The following MTX2 variants were observed in gnomAD, a reference collection of about 807,000 sequenced individuals.
MTX2 encodes metaxin-2.
MTX2 carries 35 observed loss-of-function variants against 42.3 expected under a neutral mutation model. The ratio of observed to expected loss-of-function variants is 0.83; its 90% CI spans 0.63 to 1.10. The LOEUF is 1.10. Ranked by LOEUF, MTX2 falls within the 50% of genes least tolerant of loss-of-function variation. The probability of loss-of-function intolerance (pLI) is 0.00; values close to 1 mark genes in which losing one functional copy is unlikely to be tolerated. For synonymous variants in MTX2, 119 were observed against 100.9 expected (o/e 1.18, Z -1.08); for missense variants, 307 against 304.1 (o/e 1.01, Z -0.07).
intron 3 of MTX2, 40 bp downstream of exon 3, chr2:176,297,935 G>C (rs1362339545): frequency 1.4e-6 from 2 of 1,458,918 alleles, no homozygotes; most frequent in Non-Finnish European, 1.9e-6. Context: ...TCACCCCCTA[G>C]GTGGTTTGCA....
chr2:176,328,457 G>A, intron 6 of MTX2, 72 bp downstream of exon 6: 1 of 985,438 alleles, frequency 1.0e-6, no homozygotes, highest in South Asian at 2.6e-5. Flanking sequence ...TCTTTCTTAT[G>A]GGTTAAAGTT....
intron 3 of MTX2, among the ~76,000 whole-genome samples, chr2:176,310,922 T>C (rs1684288379): frequency 6.6e-6 from 1 of 152,240 alleles, no homozygotes; most frequent in Non-Finnish European, 1.5e-5. Context: ...AGTCATTCTC[T>C]GTCCAGCTTT....
At chr2:176,325,740 G>A (rs3754986) in intron 4 of MTX2, among the ~76,000 whole-genome samples, 79,040 of 151,502 alleles carry the variant, frequency 0.52, 20,976 homozygotes, top group Admixed American at 0.63. Context: ...AGAAAACAAT[G>A]TGGCCTAATG....
chr2:176,301,355 C>T (rs1028357036), intron 3 of MTX2, among the ~76,000 whole-genome samples: 8 of 152,072 alleles, frequency 5.3e-5, no homozygotes, highest in Admixed American at 2.0e-4. Context: ...AAACAGAAAA[C>T]AACAACGACA....
chr2:176,328,927 A>G lies in MTX2; in HGVS notation c.417+15A>G. On this transcript the variant is annotated intron_variant, in intron 7 of 9. Coordinates refer to ENST00000249442, the MANE Select transcript of MTX2 (RefSeq NM_006554.5). ...CAGTAGGGGAGGTGAGTGGTTCTGTAACATTTATCTTAATTAAAATTTAAT... is the reference window on the plus strand; with the variant it reads ...CAGTAGGGGAGGTGAGTGGTTCTGTGACATTTATCTTAATTAAAATTTAAT... The G allele has an allele frequency of 1.9e-6, 3 of 1,595,228 alleles. No individual in the cohort carries two copies. The highest frequency in any genetic ancestry group is 2.6e-6 in the Non-Finnish European group (3 of 1,165,338).
chr2:176,304,974 A>T (rs1339360437), intron 3 of MTX2, among the ~76,000 whole-genome samples: 3 of 152,038 alleles, frequency 2.0e-5, no homozygotes, highest in African/African-American at 7.2e-5. Context: ...TCATGGTATT[A>T]ATCAGTGTAA....
At position 176,269,453 on chromosome 2, in the gene MTX2, G is replaced by A; in HGVS notation, c.-177G>A. 1.5e-6 allele frequency: 1 copy of A among 654,266 alleles called. No individual in the cohort carries two copies. The highest frequency in any genetic ancestry group is 2.4e-6 in the Non-Finnish European group (1 of 415,358). 40.5% of individuals were successfully genotyped at this position (654,266 alleles called of 1,614,324 possible). A position where few individuals can be genotyped will look rare whatever the true frequency, so the allele number is the denominator to read the frequency against. ...CGGCTGCGCCGGAAGTCCCTAGCCA[G>A]GCCTGGCGGTAACCTTGGGGGCCTC... On this transcript the variant is annotated 5_prime_UTR_variant, in exon 1 of 10. Coordinates refer to ENST00000249442, the MANE Select transcript of MTX2 (RefSeq NM_006554.5).
chr2:176,304,998 T>C (rs1226115548), intron 3 of MTX2, among the ~76,000 whole-genome samples: 1 of 152,100 alleles, frequency 6.6e-6, no homozygotes, highest in Non-Finnish European at 1.5e-5. Context: ...ATCTAATCTT[T>C]AAAAACTTAT....
chr2:176,336,802 G>A (rs1684996107), intron 9 of MTX2, among the ~76,000 whole-genome samples: 1 of 152,054 alleles, frequency 6.6e-6, no homozygotes, highest in Non-Finnish European at 1.5e-5. Context: ...GGTAGGATTT[G>A]TTTCTTACGT....
At chr2:176,272,265 G>T (rs1476251800) in intron 1 of MTX2, among the ~76,000 whole-genome samples, 2 of 152,094 alleles carry the variant, frequency 1.3e-5, no homozygotes, top group African/African-American at 2.4e-5. Flanking sequence ...GTGAGAGATG[G>T]GGAAGAGGAA....
rs764856917 is a variant in MTX2 at position 176,290,586 on chromosome 2, A to G, written c.41-6274A>G. Among the ~76,000 whole-genome samples, 2 of 152,134 alleles carry G rather than the reference A, an allele frequency of 1.3e-5. 1 individual carries two copies. The highest frequency in any genetic ancestry group is 4.1e-4 in the South Asian group (2 of 4,830). ...ATTTTGTCTTTTCCCAAACCAAGAG[A>G]TCAGCTTTTTATAAGGTGTGGATAA... On this transcript the variant is annotated intron_variant, in intron 1 of 9. Coordinates refer to ENST00000249442, the MANE Select transcript of MTX2 (RefSeq NM_006554.5).
At chr2:176,291,893 CAG>C (rs1693337213) in intron 1 of MTX2, among the ~76,000 whole-genome samples, 1 of 151,958 alleles carries the variant, frequency 6.6e-6, no homozygotes, top group African/African-American at 2.4e-5. Context: ...GGCTGGAGTG[CAG>C]AGAGTCAAGG....
At chr2:176,275,500 A>G (rs991015438) in intron 1 of MTX2, among the ~76,000 whole-genome samples, 1 of 152,080 alleles carries the variant, frequency 6.6e-6, no homozygotes, top group Non-Finnish European at 1.5e-5. Flanking sequence ...TAGCCTCCCA[A>G]AGTGCTGAGA....
In MTX2 at chr2:176,326,425, C is replaced by G. The variant is rs1226161369; in HGVS notation, c.209-400C>G. Among the ~76,000 whole-genome samples, 4 of 151,592 alleles carry G rather than the reference C, an allele frequency of 2.6e-5. No homozygotes were observed. In the East Asian group the frequency reaches 7.7e-4, roughly 29 times the overall value. On this transcript the variant is annotated intron_variant, in intron 4 of 9. Transcript: ENST00000249442. ...ATGTAGTTTACAATATAGATTGATT[C>G]ACTGTACTCTGAAAAGAAAGCTTAC...
intron 1 of MTX2, 64 bp from the exon 2 acceptor site, chr2:176,296,796 A>C (rs1683896566): frequency 6.6e-7 from 1 of 1,518,148 alleles, no homozygotes; most frequent in Admixed American, 1.7e-5. Context: ...ATGCTTATTA[A>C]TTTGGTTTGT....
rs1684767408 is a variant in MTX2, at chr2:176,328,295, C to G, written c.288C>G (p.Gly96=). Residue 96 remains glycine (G), a splice_region_variant and synonymous_variant, in exon 6 of 10, where the codon GGC becomes GGG. Coordinates refer to ENST00000249442, the MANE Select transcript of MTX2 (RefSeq NM_006554.5). Reference sequence around the variant, plus strand: ...AAATTTTTTTAAATTCCCTTTAGGGCCATTCTCTTAGTGATGGGCTGGAGG... The same window carrying G: ...AAATTTTTTTAAATTCCCTTTAGGGGCATTCTCTTAGTGATGGGCTGGAGG... The part of the protein sequence containing the change: ...GPIVQFVKAK[G]HSLSDGLEEV... 2.6e-6 allele frequency: 4 copies of G among 1,550,906 alleles called. No homozygotes were observed. Among genetic ancestry groups the G allele is most frequent in the African/African-American group, 2.8e-5 (2 of 71,488 alleles).
intron 1 of MTX2, among the ~76,000 whole-genome samples, chr2:176,296,599 G>C (rs1683890831): frequency 6.6e-6 from 1 of 151,806 alleles, no homozygotes; most frequent in Non-Finnish European, 1.5e-5. Flanking sequence ...TCTCATTTTG[G>C]ATTGGGCAAG....
At chr2:176,273,010 C>T (rs936369994) in intron 1 of MTX2, among the ~76,000 whole-genome samples, 4 of 152,126 alleles carry the variant, frequency 2.6e-5, no homozygotes, top group African/African-American at 9.7e-5. Context: ...TGGGAGGCAA[C>T]GAACTCCAGC....
At chr2:176,271,935 G>A (rs929756298) in intron 1 of MTX2, among the ~76,000 whole-genome samples, 1 of 152,154 alleles carries the variant, frequency 6.6e-6, no homozygotes, top group African/African-American at 2.4e-5. Context: ...TGTCTAAGAG[G>A]TATGTGCAGT....
Sources: allele counts gnomAD v4.1 joint callset (sites outside exome capture counted in the v4.1 genomes callset), GRCh38; gene constraint gnomAD v4.1.1; transcripts MANE v1.5; gene names NCBI Gene and HGNC (gene_info 2026-07-23, HGNC 2026-07-21).